KCNG2: variants seen among roughly 807,000 people sequenced by gnomAD.
KCNG2 encodes voltage-gated potassium channel regulatory subunit KCNG2.
In KCNG2, 7 loss-of-function variants were observed where a neutral mutation model predicts 12.3. The observed-to-expected ratio is 0.57, with a 90% CI of 0.32 to 1.07. The LOEUF (loss-of-function observed/expected upper bound fraction) is 1.07. Among genes scored for constraint, KCNG2 ranks in the 50% least tolerant of loss-of-function variants. KCNG2 has a pLI of 0.04. For synonymous variants in KCNG2, 414 were observed against 351.4 expected, an observed-to-expected ratio of 1.18 and a Z score of -1.99; for missense variants, 703 against 726.0, an observed-to-expected ratio of 0.97 and a Z score of 0.36.
At chr18:79,834,109 G>T (rs55852342) in intron 1 of KCNG2, among the ~76,000 whole-genome samples, 4 of 152,008 alleles carry the variant, frequency 2.6e-5, no homozygotes, top group Admixed American at 2.6e-4. Context: ...ACGTTAAAGC[G>T]TGTCGAGGTC....
At chr18:79,882,427 T>C (rs1457697692) in intron 3 of KCNG2, among the ~76,000 whole-genome samples, 2 of 152,238 alleles carry the variant, frequency 1.3e-5, no homozygotes, top group African/African-American at 4.8e-5. Context: ...AGAAAATATT[T>C]GTAAATCACA....
At chr18:79,861,283 T>C (rs1315014614) in intron 2 of KCNG2, among the ~76,000 whole-genome samples, 1 of 146,258 alleles carries the variant, frequency 6.8e-6, no homozygotes, top group African/African-American at 2.5e-5. Flanking sequence ...CTTTTTTTTT[T>C]TTTTTTTTTT....
intron 1 of KCNG2, among the ~76,000 whole-genome samples, chr18:79,821,008 A>C (rs919655398): frequency 6.6e-6 from 1 of 152,118 alleles, no homozygotes; most frequent in Non-Finnish European, 1.5e-5. Context: ...GAAACTCATT[A>C]TATGTTCTTG....
intron 1 of KCNG2, among the ~76,000 whole-genome samples, chr18:79,832,053 G>A (rs942520454): frequency 3.3e-5 from 5 of 152,196 alleles, no homozygotes; most frequent in African/African-American, 1.2e-4. Flanking sequence ...CCCGGGCAGA[G>A]CAGGTGTCTG....
chr18:79,828,282 T>C (rs1302605575), intron 1 of KCNG2, among the ~76,000 whole-genome samples: 1 of 152,276 alleles, frequency 6.6e-6, no homozygotes, highest in Non-Finnish European at 1.5e-5. Flanking sequence ...AGACATGACA[T>C]GCGTGCGTGT....
intron 3 of KCNG2, among the ~76,000 whole-genome samples, chr18:79,881,574 A>G (rs1980298031): frequency 1.3e-5 from 2 of 152,242 alleles, no homozygotes; most frequent in African/African-American, 2.4e-5. Flanking sequence ...CGTGCTGATA[A>G]TTACAGCTAA....
chr18:79,871,313 A>C (rs8096292), intron 3 of KCNG2, among the ~76,000 whole-genome samples: 13,547 of 152,252 alleles, frequency 0.089, 908 homozygotes, highest in African/African-American at 0.18. Flanking sequence ...GGAGCCCTGA[A>C]CGGCCTCATG....
At chr18:79,867,106 GGTGCTGAGAGGTCTGT>G (rs1163732496) in intron 3 of KCNG2, among the ~76,000 whole-genome samples, 4 of 131,630 alleles carry the variant, frequency 3.0e-5, no homozygotes, top group Admixed American at 7.6e-5. Context: ...CTGAGGTCTG[GGTGCTGAGAGGTCTGT>G]GTGCTGAGAG....
chr18:79,900,085 T>TAGTA lies in KCNG2; in HGVS notation c.*273_*276dup. The TAGTA allele has an allele frequency of 2.9e-6, 1 of 339,862 alleles. No homozygotes were observed. Among genetic ancestry groups the TAGTA allele is most frequent in the Non-Finnish European group, 5.3e-6 (1 of 188,838 alleles). The allele number at this position is 339,862 out of a possible 1,614,324, so 21.1% of individuals were successfully genotyped here. On this transcript the variant is annotated 3_prime_UTR_variant, in exon 4 of 4. Coordinates refer to ENST00000316249, the MANE Select transcript of KCNG2 (RefSeq NM_012283.2). The stretch of plus-strand genomic sequence containing the variant: ...TTCTACGCCTAGCTAAAAATAAATT[T>TAGTA]AGTAAGTCCGAGAGATTCCACGCCT...
At chr18:79,827,455 G>A (rs1462754979) in intron 1 of KCNG2, among the ~76,000 whole-genome samples, 2 of 152,236 alleles carry the variant, frequency 1.3e-5, no homozygotes, top group Non-Finnish European at 2.9e-5. Flanking sequence ...CCACCAGTGG[G>A]GCAGGGCCTG....
At chr18:79,895,693 G>A (rs1198224125) in intron 3 of KCNG2, among the ~76,000 whole-genome samples, 1 of 117,272 alleles carries the variant, frequency 8.5e-6, no homozygotes, top group African/African-American at 2.9e-5. Flanking sequence ...TGATATAGTT[G>A]AGTCTGTGTC....
At chr18:79,866,747 G>T (rs1177902435) in intron 3 of KCNG2, among the ~76,000 whole-genome samples, 3,662 of 48,554 alleles carry the variant, frequency 0.075, 71 homozygotes, top group Non-Finnish European at 0.13. Context: ...CTGTGGTCTG[G>T]GTGCTGAGGT....
At chr18:79,870,287 T>C (rs1979780231) in intron 3 of KCNG2, among the ~76,000 whole-genome samples, 1 of 152,162 alleles carries the variant, frequency 6.6e-6, no homozygotes, top group South Asian at 2.1e-4. Flanking sequence ...GGGAGCGGTG[T>C]CTTCTGTCGT....
chr18:79,896,852 T>C (rs1206595943), intron 3 of KCNG2, among the ~76,000 whole-genome samples: 3 of 152,232 alleles, frequency 2.0e-5, no homozygotes, highest in Non-Finnish European at 4.4e-5. Context: ...TTGCTGGATA[T>C]AGGATTCTTG....
At chr18:79,830,870 GTTCCCTGCAT>G (rs1457295198) in intron 1 of KCNG2, among the ~76,000 whole-genome samples, 1 of 122,632 alleles carries the variant, frequency 8.2e-6, no homozygotes, top group Admixed American at 8.0e-5. Context: ...CGTCAGGAGG[GTTCCCTGCAT>G]ACAGAGCCTT....
intron 3 of KCNG2, among the ~76,000 whole-genome samples, chr18:79,866,036 G>T (rs5012304): frequency 0.018 from 1,205 of 67,598 alleles, 10 homozygotes; most frequent in Non-Finnish European, 0.027. Context: ...AGGTCTGTGT[G>T]CTGAGAGGTC....
intron 3 of KCNG2, among the ~76,000 whole-genome samples, chr18:79,873,732 G>A (rs1979956595): frequency 6.6e-6 from 1 of 152,220 alleles, no homozygotes; most frequent in Admixed American, 6.5e-5. Flanking sequence ...GAAAGCAGGG[G>A]AGGCCATGGA....
chr18:79,866,017 GGTGCTGAGAGGTCTGT>G (rs1246676066), intron 3 of KCNG2, among the ~76,000 whole-genome samples: 250 of 104,964 alleles, frequency 2.4e-3, no homozygotes, highest in Non-Finnish European at 3.0e-3. Context: ...GAGAGGTCTG[GGTGCTGAGAGGTCTGT>G]GTGCTGAGAG....
At chr18:79,865,785 T>A (rs1423366130) in intron 3 of KCNG2, among the ~76,000 whole-genome samples, 1 of 133,068 alleles carries the variant, frequency 7.5e-6, no homozygotes, top group Non-Finnish European at 1.7e-5. Context: ...CTGAGAAGTC[T>A]GGGTGCTGAG....
Sources: gnomAD v4.1 joint callset for allele counts (sites outside exome capture counted in the v4.1 genomes callset) on GRCh38, gnomAD v4.1.1 for gene constraint, MANE v1.5 for transcripts, NCBI Gene and HGNC (gene_info 2026-07-23, HGNC 2026-07-21) for gene names.